Variants in AKAP6 observed in about 807,000 individuals in gnomAD.
AKAP6 encodes the protein A-kinase anchoring protein 6, also known as A-kinase anchor protein 6.
A neutral mutation model predicts 188.5 loss-of-function variants in AKAP6; 58 were observed. The ratio of observed to expected loss-of-function variants is 0.31; its 90% CI spans 0.25 to 0.38. AKAP6 has a LOEUF of 0.38. Ranked by LOEUF, AKAP6 falls within the 10% of genes least tolerant of loss-of-function variation. The pLI is 1.00. For missense variants in AKAP6, 2,710 were observed against 2,740.0 expected (o/e 0.99, Z 0.24); for synonymous variants, 989 against 998.6 (o/e 0.99, Z 0.18).
intron 9 of AKAP6, among the ~76,000 whole-genome samples, chr14:32,724,423 C>G (rs1214393248): frequency 6.6e-6 from 1 of 152,158 alleles, no homozygotes. Context: ...GTGCATACGC[C>G]TGATCCAGGA....
chr14:32,499,006 A>G (rs1880469331), intron 2 of AKAP6, among the ~76,000 whole-genome samples: 1 of 151,764 alleles, frequency 6.6e-6, no homozygotes, highest in Non-Finnish European at 1.5e-5. Flanking sequence ...TACTCTATGT[A>G]GCACATACTA....
chr14:32,646,576 A>G (rs974898733), intron 7 of AKAP6, among the ~76,000 whole-genome samples: 17 of 152,228 alleles, frequency 1.1e-4, no homozygotes, highest in Non-Finnish European at 4.4e-5. Flanking sequence ...AAAGATGTCC[A>G]GATTTCAATG....
rs1450103262 is a variant in AKAP6 at position 32,786,296 on chromosome 14, ATCTTTTTTTT to A, written c.3588+12405_3588+12414del. Among the ~76,000 whole-genome samples the A allele has an allele frequency of 7.5e-4, 70 of 93,718 alleles. 9 individuals are homozygous for A. Among genetic ancestry groups the A allele is most frequent in the African/African-American group, 2.7e-3 (66 of 24,392 alleles). The allele number at this position is 93,718 out of a possible 152,430, so 61.5% of individuals were successfully genotyped here. On this transcript the variant is annotated intron_variant, in intron 12 of 13. Transcript: ENST00000280979. ...AGCCCTCTGAAAGACCTAAACCTTT[ATCTTTTTTTT>A]TTTTTTTTTTTTTTTTTTTGAGACG...
chr14:32,602,590 A>T (rs941303554), intron 7 of AKAP6, among the ~76,000 whole-genome samples: 4 of 152,312 alleles, frequency 2.6e-5, no homozygotes, highest in African/African-American at 9.6e-5. Flanking sequence ...AAATCACTTT[A>T]AAAAAGCTTC....
At position 32,558,414 on chromosome 14, in the gene AKAP6, A is replaced by G. The variant is rs576747085; in HGVS notation, c.2346+11415A>G. Among the ~76,000 whole-genome samples the G allele has an allele frequency of 2.0e-5, 3 of 152,334 alleles. 1 individual carries two copies. The South Asian group carries it at 6.2e-4, about 32-fold the overall frequency. On this transcript the variant is annotated intron_variant, in intron 4 of 13. Coordinates refer to ENST00000280979, the MANE Select transcript of AKAP6 (RefSeq NM_004274.5). ...GAAAATTCATGCAGTGGGAGAACAGAAAAAAGAAGATAATACAAATGTAGC... is the reference window on the plus strand; with the variant it reads ...GAAAATTCATGCAGTGGGAGAACAGGAAAAAGAAGATAATACAAATGTAGC...
rs530733392 is a variant in AKAP6 at position 32,539,592 on chromosome 14, G to C, written c.576+3787G>C. 7.9e-5 allele frequency among the ~76,000 whole-genome samples: 12 copies of C among 152,254 alleles called. No homozygotes were observed. In the East Asian group the frequency reaches 2.3e-3, roughly 29 times the overall value. Reference sequence around the variant, plus strand: ...GAAGAGGGAGACATAATTTCAGTTTGATAAACTGGGAATTAATCATGAAGA... The same window carrying C: ...GAAGAGGGAGACATAATTTCAGTTTCATAAACTGGGAATTAATCATGAAGA... On this transcript the variant is annotated intron_variant, in intron 3 of 13. Coordinates refer to ENST00000280979, the MANE Select transcript of AKAP6 (RefSeq NM_004274.5).
chr14:32,381,232 C>G (rs1016212387), intron 1 of AKAP6, among the ~76,000 whole-genome samples: 3 of 151,896 alleles, frequency 2.0e-5, no homozygotes, highest in Non-Finnish European at 2.9e-5. Context: ...CCCAGCTACT[C>G]GGGAGGCTAA....
intron 7 of AKAP6, among the ~76,000 whole-genome samples, chr14:32,664,322 ATTG>A (rs1388550001): frequency 2.6e-5 from 4 of 152,022 alleles, no homozygotes; most frequent in Non-Finnish European, 5.9e-5. Context: ...CATGGGAATC[ATTG>A]TTGTAGAGTT....
intron 7 of AKAP6, among the ~76,000 whole-genome samples, chr14:32,623,849 T>C (rs1367138332): frequency 6.6e-6 from 1 of 152,148 alleles, no homozygotes; most frequent in Non-Finnish European, 1.5e-5. Flanking sequence ...GTAAGTGGGC[T>C]CCACTGTCTG....
Position 32,336,591 on chromosome 14 carries a change from T to C in AKAP6, c.-35+7183T>C, listed in dbSNP as rs550073192. On this transcript the variant is annotated intron_variant, in intron 1 of 13. Transcript: ENST00000280979. ...TTGGCTGGGCTGTGCATACAGATGG[T>C]CATGATTAGTTCTTCCTTTTTTCTG... is the stretch of plus-strand genomic sequence containing the variant. 3.3e-5 allele frequency among the ~76,000 whole-genome samples: 5 copies of C among 152,298 alleles called. No homozygotes were observed. In the South Asian group the frequency reaches 1.0e-3, roughly 32 times the overall value.
At chr14:32,565,978 G>T (rs1441676267) in intron 4 of AKAP6, among the ~76,000 whole-genome samples, 1 of 152,170 alleles carries the variant, frequency 6.6e-6, no homozygotes, top group African/African-American at 2.4e-5. Flanking sequence ...CAAAGAGTGA[G>T]TTACATGTCT....
intron 7 of AKAP6, among the ~76,000 whole-genome samples, chr14:32,649,994 AG>A (rs1443923279): frequency 6.6e-6 from 1 of 152,204 alleles, no homozygotes; most frequent in East Asian, 1.9e-4. Flanking sequence ...GAGGCTGAAA[AG>A]GGCTCTTGTT....
chr14:32,530,696 A>T (rs780801289), intron 2 of AKAP6, among the ~76,000 whole-genome samples: 1 of 152,218 alleles, frequency 6.6e-6, no homozygotes, highest in Non-Finnish European at 1.5e-5. Flanking sequence ...ATTCAGAGCA[A>T]TCACAAGAAG....
intron 12 of AKAP6, among the ~76,000 whole-genome samples, chr14:32,799,333 AT>A (rs553687108): frequency 6.6e-6 from 1 of 151,776 alleles, no homozygotes; most frequent in East Asian, 1.9e-4. Context: ...TATTTTTAAT[AT>A]TTTTTTCTTC....
intron 2 of AKAP6, among the ~76,000 whole-genome samples, chr14:32,459,340 T>G (rs910010768): frequency 6.6e-6 from 1 of 152,134 alleles, no homozygotes; most frequent in Non-Finnish European, 1.5e-5. Context: ...TTTGCCAAAC[T>G]ATACTTATAA....
intron 1 of AKAP6, among the ~76,000 whole-genome samples, chr14:32,362,167 C>T (rs1887685781): frequency 6.6e-6 from 1 of 152,106 alleles, no homozygotes; most frequent in African/African-American, 2.4e-5. Flanking sequence ...CCCCAGCCTT[C>T]AGGTTAAATG....
intron 5 of AKAP6, among the ~76,000 whole-genome samples, chr14:32,578,209 A>G (rs1317638991): frequency 6.6e-6 from 1 of 152,096 alleles, no homozygotes; most frequent in Admixed American, 6.6e-5. Context: ...GAGAGAGAGA[A>G]GGGAGAGATG....
At chr14:32,559,783 C>CTTTTTTTTTTTTTTTTTTTTTTTTTTT (rs35914295) in intron 4 of AKAP6, among the ~76,000 whole-genome samples, 1 of 119,100 alleles carries the variant, frequency 8.4e-6, no homozygotes, top group Non-Finnish European at 1.8e-5. Flanking sequence ...TAAGCCTAAT[C>CTTTTTTTTTTTTTTTTTTTTTTTTTTT]TTTTTTTTTT....
At chr14:32,378,370 A>G (rs985028804) in intron 1 of AKAP6, among the ~76,000 whole-genome samples, 1 of 152,234 alleles carries the variant, frequency 6.6e-6, no homozygotes, top group African/African-American at 2.4e-5. Flanking sequence ...TTCATTAAGC[A>G]TGGAATAATA....
Sources: gnomAD v4.1 joint callset for allele counts (sites outside exome capture counted in the v4.1 genomes callset) on GRCh38, gnomAD v4.1.1 for gene constraint, MANE v1.5 for transcripts, NCBI Gene and HGNC (gene_info 2026-07-23, HGNC 2026-07-21) for gene names.